VPS13B: variants seen among roughly 807,000 people sequenced by gnomAD.
The protein encoded by VPS13B is vacuolar protein sorting 13 homolog B.
Under a neutral mutation model 426.4 loss-of-function variants are expected in VPS13B, and 285 were observed. The ratio of observed to expected loss-of-function variants is 0.67; its 90% CI spans 0.61 to 0.74. The LOEUF is 0.74. Among genes scored for constraint, VPS13B ranks in the 30% least tolerant of loss-of-function variants. The pLI is 0.00. For synonymous variants in VPS13B, 1,676 were observed against 1,676.4 expected, an observed-to-expected ratio of 1.00 and a Z score of 0.01; for missense variants, 4,537 against 4,782.6, an observed-to-expected ratio of 0.95 and a Z score of 1.51.
chr8:99,279,981 G>A (rs1819085143), intron 19 of VPS13B, among the ~76,000 whole-genome samples: 1 of 152,102 alleles, frequency 6.6e-6, no homozygotes, highest in Non-Finnish European at 1.5e-5. Context: ...GTGTTAGCCA[G>A]GAAGGTCTCG....
At chr8:99,319,039 G>T (rs1475706090) in intron 19 of VPS13B, among the ~76,000 whole-genome samples, 1 of 151,904 alleles carries the variant, frequency 6.6e-6, no homozygotes, top group African/African-American at 2.4e-5. Flanking sequence ...ACTTTCCTAA[G>T]CTTATGATTT....
chr8:99,321,408 G>A (rs767550507), intron 19 of VPS13B, among the ~76,000 whole-genome samples: 10 of 151,794 alleles, frequency 6.6e-5, no homozygotes, highest in Non-Finnish European at 1.5e-4. Context: ...GGGTTTCACT[G>A]TGTTGGCCAG....
chr8:99,454,901 G>A (rs973672713), intron 23 of VPS13B, among the ~76,000 whole-genome samples: 1 of 151,968 alleles, frequency 6.6e-6, no homozygotes, highest in African/African-American at 2.4e-5. Context: ...CTTTTTATAC[G>A]CTTATTTGCC....
chr8:99,034,379 G>A (rs1842646620), intron 2 of VPS13B, among the ~76,000 whole-genome samples: 1 of 151,116 alleles, frequency 6.6e-6, no homozygotes, highest in Non-Finnish European at 1.5e-5. Context: ...TACATTTATT[G>A]GGTAATACTT....
At chr8:99,534,251 G>A (rs1366814128) in intron 30 of VPS13B, among the ~76,000 whole-genome samples, 1 of 152,128 alleles carries the variant, frequency 6.6e-6, no homozygotes, top group Non-Finnish European at 1.5e-5. Context: ...CCTGTAGCAG[G>A]ATATAGGTTT....
At position 99,431,523 on chromosome 8, in the gene VPS13B, AT is replaced by A; in HGVS notation, c.3083-12del. 6.2e-7 allele frequency: 1 copy of A among 1,612,866 alleles called. No homozygotes were observed. The highest frequency in any genetic ancestry group is 8.5e-7 in the Non-Finnish European group (1 of 1,179,548). On this transcript the variant is annotated splice_polypyrimidine_tract_variant and intron_variant, in intron 21 of 61. Transcript: ENST00000357162. ...TTATGTTTCTATTAAATAATTAGCT[AT>A]TCTCGTACTCAGAATCCCGCCCATT...
intron 30 of VPS13B, among the ~76,000 whole-genome samples, chr8:99,526,828 A>C (rs1165875022): frequency 6.6e-6 from 1 of 152,132 alleles, no homozygotes; most frequent in Non-Finnish European, 1.5e-5. Flanking sequence ...CTGTGTTTCC[A>C]AATCACCCAA....
intron 33 of VPS13B, among the ~76,000 whole-genome samples, chr8:99,621,446 C>T (rs1015363460): frequency 1.3e-5 from 2 of 152,190 alleles, no homozygotes; most frequent in Non-Finnish European, 2.9e-5. Context: ...AGCAGGTTAT[C>T]TGTTAAGAGT....
chr8:99,315,776 A>G (rs1265064470), intron 19 of VPS13B, among the ~76,000 whole-genome samples: 1 of 151,966 alleles, frequency 6.6e-6, no homozygotes, highest in Non-Finnish European at 1.5e-5. Flanking sequence ...AGCTAGGACT[A>G]CGGGCGCCTG....
At chr8:99,665,198 A>T (rs1371293798) in intron 35 of VPS13B, among the ~76,000 whole-genome samples, 1 of 151,964 alleles carries the variant, frequency 6.6e-6, no homozygotes, top group Non-Finnish European at 1.5e-5. Context: ...GTTTGAGTTC[A>T]TTGTAGATTC....
At chr8:99,532,279 A>G (rs1822973616) in intron 30 of VPS13B, among the ~76,000 whole-genome samples, 1 of 152,162 alleles carries the variant, frequency 6.6e-6, no homozygotes, top group South Asian at 2.1e-4. Flanking sequence ...TTTTTAGTGC[A>G]TTCAGTACCA....
At chr8:99,015,828 G>A (rs922343894) in intron 2 of VPS13B, among the ~76,000 whole-genome samples, 2 of 152,010 alleles carry the variant, frequency 1.3e-5, no homozygotes, top group African/African-American at 2.4e-5. Flanking sequence ...GCTTGAACCC[G>A]GGAGGTGGAG....
At chr8:99,863,341 T>G (rs1423540214) in intron 58 of VPS13B, among the ~76,000 whole-genome samples, 1 of 152,176 alleles carries the variant, frequency 6.6e-6, no homozygotes, top group East Asian at 1.9e-4. Context: ...TAAGTGGCTG[T>G]AACCAGAGGA....
chr8:99,463,178 A>G (rs925817273), intron 23 of VPS13B, among the ~76,000 whole-genome samples: 3 of 152,204 alleles, frequency 2.0e-5, no homozygotes, highest in Non-Finnish European at 2.9e-5. Flanking sequence ...TGGAAGGGCA[A>G]TGCTATTCTT....
intron 50 of VPS13B, among the ~76,000 whole-genome samples, chr8:99,822,018 A>C: frequency 6.6e-6 from 1 of 152,232 alleles, no homozygotes; most frequent in East Asian, 1.9e-4. Context: ...AAAAAACATA[A>C]GTCATTTAAA....
intron 40 of VPS13B, among the ~76,000 whole-genome samples, chr8:99,771,720 C>T (rs1811501092): frequency 2.0e-5 from 3 of 152,182 alleles, no homozygotes; most frequent in African/African-American, 7.2e-5. Context: ...GTGACTGTGG[C>T]CTTCCAGATA....
intron 57 of VPS13B, among the ~76,000 whole-genome samples, chr8:99,859,909 TG>T (rs1563513506): frequency 1.3e-5 from 2 of 152,314 alleles, no homozygotes; most frequent in East Asian, 3.9e-4. Context: ...GAAGCGGATT[TG>T]GGGGTGAAAC....
At chr8:99,303,521 A>G (rs1820481639) in intron 19 of VPS13B, among the ~76,000 whole-genome samples, 1 of 151,486 alleles carries the variant, frequency 6.6e-6, no homozygotes, top group Non-Finnish European at 1.5e-5. Context: ...GTAAAATTCC[A>G]GTAGTAACAA....
intron 35 of VPS13B, among the ~76,000 whole-genome samples, chr8:99,682,232 A>G (rs1383676551): frequency 1.3e-5 from 2 of 152,322 alleles, no homozygotes; most frequent in South Asian, 2.1e-4. Flanking sequence ...TGGGAGGCCA[A>G]GACGGGTGGA....
Sources: gnomAD v4.1 joint callset for allele counts (sites outside exome capture counted in the v4.1 genomes callset) on GRCh38, gnomAD v4.1.1 for gene constraint, MANE v1.5 for transcripts, NCBI Gene and HGNC (gene_info 2026-07-23, HGNC 2026-07-21) for gene names.